Variants in SLC39A9 observed in about 807,000 individuals in gnomAD.
The protein encoded by SLC39A9 is solute carrier family 39 member 9, also known as zinc transporter ZIP9.
In SLC39A9, 14 loss-of-function variants were observed where a neutral mutation model predicts 28.4. The observed-to-expected ratio is 0.49, with a 90% CI of 0.33 to 0.77. SLC39A9 has a LOEUF of 0.77. Ranked by LOEUF, SLC39A9 falls within the 30% of genes least tolerant of loss-of-function variation. SLC39A9 has a pLI of 0.02. For synonymous variants in SLC39A9, 119 were observed against 149.6 expected (o/e 0.80, Z 1.49); for missense variants, 283 against 381.1 (o/e 0.74, Z 2.14).
chr14:69,402,995 T>A (rs1359722505), intron 1 of SLC39A9, among the ~76,000 whole-genome samples: 1 of 152,082 alleles, frequency 6.6e-6, no homozygotes, highest in African/African-American at 2.4e-5. Context: ...GACAGGAGAA[T>A]TGCTTGAACC....
Position 69,458,565 on chromosome 14 carries a change from T to C in SLC39A9, c.896T>C (p.Leu299Pro), listed in dbSNP as rs1357744661. The C allele has an allele frequency of 6.2e-7, 1 of 1,613,642 alleles. No homozygotes were observed. Among genetic ancestry groups the C allele is most frequent in the East Asian group, 2.2e-5 (1 of 44,888 alleles). Residue 299 changes from leucine to proline, a missense_variant, in exon 7 of 7, where the codon CTC becomes CCC. Physicochemically the swap from Leu to Pro is moderately conservative, Grantham distance 98. Transcript: ENST00000336643. ...AALVLGCLIP[L>P]ILSVGHQH is the part of the protein sequence containing the mutation. ...CTGGTTCTGGGTTGCCTCATCCCTCTCATCCTGTCAGTAGGACACCAGCAT... is the reference window on the plus strand; with the variant it reads ...CTGGTTCTGGGTTGCCTCATCCCTCCCATCCTGTCAGTAGGACACCAGCAT...
At chr14:69,451,360 C>G (rs565480257) in intron 3 of SLC39A9, among the ~76,000 whole-genome samples, 1 of 152,258 alleles carries the variant, frequency 6.6e-6, no homozygotes, top group African/African-American at 2.4e-5. Context: ...GTCATTTTAC[C>G]TGGCATTTTG....
At chr14:69,455,140 A>G (rs1324708112) in intron 5 of SLC39A9, among the ~76,000 whole-genome samples, 1 of 152,078 alleles carries the variant, frequency 6.6e-6, no homozygotes, top group African/African-American at 2.4e-5. Context: ...TCAGATTTTT[A>G]TATTTCATAG....
Position 69,460,122 on chromosome 14 carries a change from A to T in SLC39A9, c.*1529A>T. 1.0e-6 allele frequency: 1 copy of T among 983,000 alleles called. No individual in the cohort carries two copies. The highest frequency in any genetic ancestry group is 1.2e-6 in the Non-Finnish European group (1 of 827,390). 60.9% of individuals were successfully genotyped at this position (983,000 alleles called of 1,614,324 possible). A position where few individuals can be genotyped will look rare whatever the true frequency, so the allele number is the denominator to read the frequency against. ...AATATTGTATTATTAATTTATTTTT[A>T]CTTTCTATACCATTTCAAAACACAT... On this transcript the variant is annotated 3_prime_UTR_variant, in exon 7 of 7. Coordinates refer to ENST00000336643, the MANE Select transcript of SLC39A9 (RefSeq NM_018375.5).
At chr14:69,457,145 A>G (rs546628319) in intron 6 of SLC39A9, among the ~76,000 whole-genome samples, 1 of 152,052 alleles carries the variant, frequency 6.6e-6, no homozygotes, top group East Asian at 1.9e-4. Flanking sequence ...GGTTGAAATT[A>G]GTTTTATAAA....
chr14:69,431,542 A>G (rs1221477778), intron 2 of SLC39A9, among the ~76,000 whole-genome samples: 2 of 147,734 alleles, frequency 1.4e-5, no homozygotes, highest in African/African-American at 5.0e-5. Flanking sequence ...TAGGTTTTTT[A>G]TGGATTCCCT....
At chr14:69,448,324 CA>C (rs1019636822) in intron 3 of SLC39A9, among the ~76,000 whole-genome samples, 9 of 147,526 alleles carry the variant, frequency 6.1e-5, no homozygotes, top group African/African-American at 2.3e-4. Context: ...GCAAAACAAA[CA>C]AAAAAGTCAC....
At chr14:69,439,908 G>A (rs1020760040) in intron 2 of SLC39A9, among the ~76,000 whole-genome samples, 11 of 152,032 alleles carry the variant, frequency 7.2e-5, no homozygotes, top group Non-Finnish European at 1.3e-4. Flanking sequence ...TTAATAGAAC[G>A]ATCCTAAAAT....
At chr14:69,424,353 A>G (rs1207514978) in intron 2 of SLC39A9, 151 bp downstream of exon 2, 4 of 602,974 alleles carry the variant, frequency 6.6e-6, no homozygotes, top group African/African-American at 1.9e-5. Context: ...GATATCTTTG[A>G]TATTGACACA....
At position 69,453,313 on chromosome 14, in the gene SLC39A9, G is replaced by C. The variant is rs777392959; in HGVS notation, c.472+4G>C. 2.3e-5 allele frequency: 37 copies of C among 1,613,552 alleles called. No homozygotes were observed. The highest frequency in any genetic ancestry group is 3.0e-5 in the Non-Finnish European group (35 of 1,179,634). ...GGTCTGGTTGTCCATGCTGCAGGTA[G>C]GGTTGGATTGCAGTGGAACTTCTTT... On this transcript the variant is annotated splice_donor_region_variant and intron_variant, in intron 4 of 6. Coordinates refer to ENST00000336643, the MANE Select transcript of SLC39A9 (RefSeq NM_018375.5).
chr14:69,431,804 C>T (rs1330988378), intron 2 of SLC39A9, among the ~76,000 whole-genome samples: 1 of 152,114 alleles, frequency 6.6e-6, no homozygotes, highest in Non-Finnish European at 1.5e-5. Flanking sequence ...TAAGTGAGAA[C>T]ATGTGGTATT....
intron 2 of SLC39A9, among the ~76,000 whole-genome samples, chr14:69,437,028 C>T (rs1196519562): frequency 6.6e-6 from 1 of 152,088 alleles, no homozygotes. Context: ...CCACCACACC[C>T]GGCTAATTTT....
At chr14:69,402,685 C>T (rs1199718413) in intron 1 of SLC39A9, among the ~76,000 whole-genome samples, 1 of 151,692 alleles carries the variant, frequency 6.6e-6, no homozygotes, top group East Asian at 1.9e-4. Context: ...ATTTATAAAA[C>T]AAAGGAAAAA....
At chr14:69,439,340 AAAT>A (rs1410101494) in intron 2 of SLC39A9, among the ~76,000 whole-genome samples, 106 of 152,276 alleles carry the variant, frequency 7.0e-4, no homozygotes, top group African/African-American at 2.4e-3. Context: ...ATTTTTAAAA[AAAT>A]AATAATAGCA....
intron 2 of SLC39A9, among the ~76,000 whole-genome samples, chr14:69,432,190 AGT>A (rs1258279884): frequency 1.3e-5 from 2 of 152,142 alleles, no homozygotes; most frequent in Middle Eastern, 3.2e-3. Context: ...ACAGTGTATA[AGT>A]GTTCCCTTTT....
intron 3 of SLC39A9, among the ~76,000 whole-genome samples, chr14:69,448,132 G>A (rs1054072627): frequency 2.1e-5 from 3 of 143,578 alleles, no homozygotes; most frequent in East Asian, 2.2e-4. Context: ...GGAGAATGGC[G>A]TGAACATGGG....
Position 69,460,698 on chromosome 14 carries a change from C to T in SLC39A9, c.*2105C>T, listed in dbSNP as rs1054103986. 7.1e-6 allele frequency: 7 copies of T among 985,406 alleles called. No homozygotes were observed. Among genetic ancestry groups the T allele is most frequent in the African/African-American group, 3.5e-5 (2 of 57,342 alleles). 61.0% of individuals were successfully genotyped at this position (985,406 alleles called of 1,614,324 possible). A position where few individuals can be genotyped will look rare whatever the true frequency, so the allele number is the denominator to read the frequency against. On this transcript the variant is annotated 3_prime_UTR_variant, in exon 7 of 7. Transcript: ENST00000336643. ...TCTTGCTGGATGGAGCCTTGAACTC[C>T]GGCAAGGATTGAACCATCTGACTTC...
chr14:69,421,757 G>A (rs1417612339), intron 1 of SLC39A9, among the ~76,000 whole-genome samples: 1 of 152,152 alleles, frequency 6.6e-6, no homozygotes, highest in African/African-American at 2.4e-5. Context: ...GTTGGATCTT[G>A]GACTGCTGCG....
intron 3 of SLC39A9, among the ~76,000 whole-genome samples, chr14:69,448,214 C>CAAAA (rs34195562): frequency 6.9e-5 from 6 of 87,124 alleles, no homozygotes; most frequent in East Asian, 3.2e-4. Flanking sequence ...GACTCTGTCT[C>CAAAA]AAAAAAAAAA....
Sources: allele counts gnomAD v4.1 joint callset (sites outside exome capture counted in the v4.1 genomes callset), GRCh38; gene constraint gnomAD v4.1.1; transcripts MANE v1.5; gene names NCBI Gene and HGNC (gene_info 2026-07-23, HGNC 2026-07-21).